The following ATG7 variants were observed in gnomAD, a reference collection of about 807,000 sequenced individuals.
The protein encoded by ATG7 is ubiquitin-like modifier-activating enzyme ATG7.
A neutral mutation model predicts 82.4 loss-of-function variants in ATG7; 70 were observed. That is an observed-to-expected ratio of 0.85 (90% CI 0.70 to 1.04). The LOEUF (loss-of-function observed/expected upper bound fraction) is 1.04, where lower values mean the gene tolerates loss of function less well. ATG7 is among the 50% of genes least tolerant of loss of function. The probability of loss-of-function intolerance (pLI) is 0.00; values close to 1 mark genes in which losing one functional copy is unlikely to be tolerated. For synonymous variants in ATG7, 287 were observed against 313.0 expected, an observed-to-expected ratio of 0.92 and a Z score of 0.88; for missense variants, 792 against 864.3, an observed-to-expected ratio of 0.92 and a Z score of 1.05.
chr3:11,472,083 T>C (rs776763450), intron 20 of ATG7, among the ~76,000 whole-genome samples: 2 of 152,312 alleles, frequency 1.3e-5, no homozygotes, highest in Middle Eastern at 3.4e-3. Flanking sequence ...AATTATTATA[T>C]TAGTCTCTTT....
At chr3:11,536,392 G>A (rs566257853) in intron 20 of ATG7, among the ~76,000 whole-genome samples, 72 of 152,340 alleles carry the variant, frequency 4.7e-4, no homozygotes, top group African/African-American at 1.7e-3. Flanking sequence ...TTGGGCTACC[G>A]GCTCCACCTG....
At chr3:11,367,957 A>G (rs2152824045) in intron 18 of ATG7, among the ~76,000 whole-genome samples, 1 of 152,080 alleles carries the variant, frequency 6.6e-6, no homozygotes, top group East Asian at 1.9e-4. Context: ...ACAGTCTTAT[A>G]CCCAGCACAC....
chr3:11,457,337 G>A (rs1440685097), intron 20 of ATG7, among the ~76,000 whole-genome samples: 2 of 152,098 alleles, frequency 1.3e-5, no homozygotes, highest in Non-Finnish European at 2.9e-5. Context: ...GAGTGGTGTG[G>A]CAACTCTGGC....
the ATG7 span, among the ~76,000 whole-genome samples, chr3:11,566,695 T>C: frequency 6.6e-6 from 1 of 152,172 alleles, no homozygotes; most frequent in African/African-American, 2.4e-5. Context: ...CTCCCCGTCC[T>C]GCGCTGCCAA....
intron 11 of ATG7, among the ~76,000 whole-genome samples, chr3:11,336,418 C>G (rs905630050): frequency 1.3e-5 from 2 of 152,146 alleles, no homozygotes; most frequent in Admixed American, 6.6e-5. Context: ...TTTAACACAT[C>G]TTCTTAATGC....
intron 19 of ATG7, among the ~76,000 whole-genome samples, chr3:11,413,336 C>T (rs957527693): frequency 3.3e-5 from 5 of 151,894 alleles, no homozygotes; most frequent in African/African-American, 7.3e-5. Flanking sequence ...GAGGCAGTTT[C>T]CTTCTATTCC....
chr3:11,478,673 GC>G lies in ATG7; in HGVS notation c.2079+51751del, dbSNP rs372276665. Among the ~76,000 whole-genome samples the G allele has an allele frequency of 4.4e-4, 67 of 152,146 alleles. No homozygotes were observed. The South Asian group carries it at 0.014, about 32-fold the overall frequency. Reference sequence around the variant, plus strand: ...AAACAGCAGACTTAAATAGAAAAAAGCCCCAAAAGGAAAGGAAAACAATTGA... The same window carrying G: ...AAACAGCAGACTTAAATAGAAAAAAGCCCAAAAGGAAAGGAAAACAATTGA... On this transcript the variant is annotated intron_variant, in intron 20 of 20. Coordinates refer to ENST00000693202, the MANE Select transcript of ATG7 (RefSeq NM_001349232.2).
At chr3:11,274,638 C>G (rs144236149) in intron 1 of ATG7, among the ~76,000 whole-genome samples, 4 of 152,052 alleles carry the variant, frequency 2.6e-5, no homozygotes, top group Admixed American at 2.0e-4. Context: ...GCATGTTACC[C>G]GCACATAGAC....
intron 19 of ATG7, among the ~76,000 whole-genome samples, chr3:11,410,566 C>T (rs777079251): frequency 6.6e-6 from 1 of 152,152 alleles, no homozygotes. Flanking sequence ...AACTGAAACT[C>T]TATAACCATC....
At chr3:11,423,617 G>T (rs2082120309) in intron 19 of ATG7, among the ~76,000 whole-genome samples, 1 of 151,956 alleles carries the variant, frequency 6.6e-6, no homozygotes, top group South Asian at 2.1e-4. Flanking sequence ...TTTATTAAAT[G>T]CCTTTTTTTT....
intron 19 of ATG7, among the ~76,000 whole-genome samples, chr3:11,417,411 T>C (rs2081463467): frequency 6.6e-6 from 1 of 152,212 alleles, no homozygotes; most frequent in African/African-American, 2.4e-5. Context: ...GAGCCCTTTA[T>C]TATTATGTAA....
At chr3:11,557,755 A>G (rs1575334378), downstream of ATG7, 1 of 152,872 alleles carries the variant, frequency 6.5e-6, no homozygotes, top group East Asian at 1.9e-4. Flanking sequence ...TCACGTTTAA[A>G]GCACTATGGA....
chr3:11,369,379 A>G (rs2076847101), intron 18 of ATG7, among the ~76,000 whole-genome samples: 2 of 150,966 alleles, frequency 1.3e-5, no homozygotes, highest in South Asian at 4.2e-4. Flanking sequence ...GTTTCACTAT[A>G]TCAAGTGCTA....
intron 20 of ATG7, among the ~76,000 whole-genome samples, chr3:11,538,866 T>A (rs892313133): frequency 9.5e-6 from 1 of 105,740 alleles, no homozygotes; most frequent in African/African-American, 3.7e-5. Flanking sequence ...AGAGTGAGAC[T>A]CTTGTCTCAA....
intron 1 of ATG7, among the ~76,000 whole-genome samples, chr3:11,279,276 G>T (rs1306160120): frequency 6.6e-6 from 1 of 152,222 alleles, no homozygotes; most frequent in Admixed American, 6.5e-5. Flanking sequence ...CAGTGTGCAG[G>T]GATAGCTCTA....
intron 20 of ATG7, among the ~76,000 whole-genome samples, chr3:11,531,133 TCTC>T (rs2092686605): frequency 6.6e-6 from 1 of 152,126 alleles, no homozygotes; most frequent in South Asian, 2.1e-4. Context: ...GAGAAGTTAT[TCTC>T]CTGCCTGGTG....
intron 3 of ATG7, among the ~76,000 whole-genome samples, chr3:11,295,185 A>T (rs940386609): frequency 6.6e-6 from 1 of 152,184 alleles, no homozygotes; most frequent in Admixed American, 6.5e-5. Context: ...CTATCTGGGG[A>T]TGTGATGCTG....
chr3:11,561,089 G>A (rs2072947338), downstream of ATG7, among the ~76,000 whole-genome samples: 1 of 151,920 alleles, frequency 6.6e-6, no homozygotes, highest in East Asian at 1.9e-4. Flanking sequence ...GGCCCTTCCT[G>A]AGCCTGGCTG....
At chr3:11,339,218 C>A in intron 11 of ATG7, among the ~76,000 whole-genome samples, 1 of 149,176 alleles carries the variant, frequency 6.7e-6, no homozygotes, top group African/African-American at 2.5e-5. Context: ...ATGGCGTGAA[C>A]CCAGGAGGTG....
Sources: gnomAD v4.1 joint callset for allele counts (sites outside exome capture counted in the v4.1 genomes callset) on GRCh38, gnomAD v4.1.1 for gene constraint, MANE v1.5 for transcripts, NCBI Gene and HGNC (gene_info 2026-07-23, HGNC 2026-07-21) for gene names.